The following FOXP2 variants were observed in gnomAD, a reference collection of about 807,000 sequenced individuals.
The protein encoded by FOXP2 is forkhead box P2.
In FOXP2, 12 loss-of-function variants were observed where a neutral mutation model predicts 115.8. The observed-to-expected ratio is 0.10, with a 90% CI of 0.07 to 0.17. The LOEUF (loss-of-function observed/expected upper bound fraction) is 0.17. Ranked by LOEUF, FOXP2 falls within the 10% of genes least tolerant of loss-of-function variation. FOXP2 has a pLI of 1.00. For missense variants in FOXP2, 629 were observed against 843.5 expected (o/e 0.75, Z 3.15); for synonymous variants, 328 against 297.7 (o/e 1.10, Z -1.05).
At chr7:114,402,206 C>T (rs996223770) in intron 2 of FOXP2, among the ~76,000 whole-genome samples, 8 of 152,060 alleles carry the variant, frequency 5.3e-5, no homozygotes, top group Non-Finnish European at 1.0e-4. Flanking sequence ...TGAAGGCCCT[C>T]TCTATCATCA....
At chr7:114,324,700 T>C (rs897510559) in intron 2 of FOXP2, among the ~76,000 whole-genome samples, 10 of 151,910 alleles carry the variant, frequency 6.6e-5, no homozygotes, top group Non-Finnish European at 1.2e-4. Context: ...GGTATTATTA[T>C]ATCATCATTT....
chr7:114,118,691 G>A (rs78330187), intron 1 of FOXP2, among the ~76,000 whole-genome samples: 1,626 of 152,154 alleles, frequency 0.011, 30 homozygotes, highest in African/African-American at 0.037. Flanking sequence ...TATGTGCCAC[G>A]TAATTTTGCT....
intron 2 of FOXP2, among the ~76,000 whole-genome samples, chr7:114,434,111 A>G (rs1472241916): frequency 6.6e-6 from 1 of 151,888 alleles, no homozygotes; most frequent in Non-Finnish European, 1.5e-5. Flanking sequence ...AGGCAGTTGT[A>G]TTCTTTCTCT....
At chr7:114,182,879 T>C (rs1793494184) in intron 1 of FOXP2, among the ~76,000 whole-genome samples, 1 of 152,102 alleles carries the variant, frequency 6.6e-6, no homozygotes, top group Admixed American at 6.6e-5. Flanking sequence ...TCGTTGGCAC[T>C]AAAGAAGTTA....
chr7:114,626,600 C>CATCT (rs1206164053), intron 3 of FOXP2, among the ~76,000 whole-genome samples: 2 of 151,524 alleles, frequency 1.3e-5, no homozygotes, highest in East Asian at 1.9e-4. Flanking sequence ...AACTCTATAT[C>CATCT]ATCTATCTAT....
chr7:114,546,178 A>G (rs546501778), intron 3 of FOXP2, among the ~76,000 whole-genome samples: 2 of 152,294 alleles, frequency 1.3e-5, no homozygotes, highest in African/African-American at 4.8e-5. Flanking sequence ...ACCTAGATCA[A>G]CATGTTACAA....
At chr7:114,299,588 G>A (rs1023340741) in intron 2 of FOXP2, among the ~76,000 whole-genome samples, 9 of 151,762 alleles carry the variant, frequency 5.9e-5, no homozygotes, top group African/African-American at 9.7e-5. Context: ...TAAACATGAA[G>A]CCCTTTCTAC....
chr7:114,643,329 CTCTTA>C (rs142495428), intron 7 of FOXP2, among the ~76,000 whole-genome samples: 232 of 152,148 alleles, frequency 1.5e-3, no homozygotes, highest in African/African-American at 5.4e-3. Context: ...ATGGATATCT[CTCTTA>C]TATGTTTCAA....
intron 1 of FOXP2, among the ~76,000 whole-genome samples, chr7:114,204,524 T>C (rs1357546993): frequency 1.3e-5 from 2 of 152,172 alleles, no homozygotes; most frequent in Non-Finnish European, 2.9e-5. Context: ...TTATTTATGG[T>C]CTCTGAACCT....
At chr7:114,382,372 T>A (rs1015443463) in intron 2 of FOXP2, among the ~76,000 whole-genome samples, 1 of 152,192 alleles carries the variant, frequency 6.6e-6, no homozygotes, top group African/African-American at 2.4e-5. Context: ...GGCTTCTGAC[T>A]CAGAGGACCT....
chr7:114,309,978 A>G (rs1351398040), intron 2 of FOXP2, among the ~76,000 whole-genome samples: 1 of 152,000 alleles, frequency 6.6e-6, no homozygotes, highest in East Asian at 1.9e-4. Context: ...GGTGTCTTTA[A>G]TCTGCCAGTC....
chr7:114,584,433 T>G (rs1802026470), intron 3 of FOXP2, among the ~76,000 whole-genome samples: 1 of 152,182 alleles, frequency 6.6e-6, no homozygotes, highest in Non-Finnish European at 1.5e-5. Flanking sequence ...TCTCAAAAAC[T>G]TGACAATTTT....
At chr7:114,250,494 C>T (rs200746659) in intron 1 of FOXP2, among the ~76,000 whole-genome samples, 1 of 152,076 alleles carries the variant, frequency 6.6e-6, no homozygotes, top group Non-Finnish European at 1.5e-5. Flanking sequence ...CATTCTAACT[C>T]GTGTGAGATG....
intron 1 of FOXP2, among the ~76,000 whole-genome samples, chr7:114,146,214 T>C (rs905426328): frequency 1.3e-5 from 2 of 152,220 alleles, no homozygotes; most frequent in Non-Finnish European, 2.9e-5. Context: ...AATTTTTACA[T>C]GTGTGAAAAG....
intron 16 of FOXP2, among the ~76,000 whole-genome samples, chr7:114,688,599 G>A (rs1808498513): frequency 1.3e-5 from 2 of 152,072 alleles, no homozygotes; most frequent in Non-Finnish European, 2.9e-5. Context: ...ATTTATCATT[G>A]CAGCACAACC....
chr7:114,380,625 C>G (rs531617684), intron 2 of FOXP2, among the ~76,000 whole-genome samples: 1 of 152,212 alleles, frequency 6.6e-6, no homozygotes, highest in African/African-American at 2.4e-5. Flanking sequence ...AAGAGTTGCA[C>G]AAGTGTGCAG....
At chr7:114,382,645 A>G (rs1171604525) in intron 2 of FOXP2, among the ~76,000 whole-genome samples, 1 of 151,432 alleles carries the variant, frequency 6.6e-6, no homozygotes, top group Non-Finnish European at 1.5e-5. Flanking sequence ...CCTGATCTCT[A>G]TTATAAAAAA....
At chr7:114,131,024 G>C (rs1373826137) in intron 1 of FOXP2, among the ~76,000 whole-genome samples, 1 of 152,204 alleles carries the variant, frequency 6.6e-6, no homozygotes, top group Non-Finnish European at 1.5e-5. Context: ...CAACCTCCAT[G>C]CTAGTTAAGA....
intron 2 of FOXP2, among the ~76,000 whole-genome samples, chr7:114,395,550 CA>C (rs1792715558): frequency 6.6e-6 from 1 of 152,042 alleles, no homozygotes; most frequent in Admixed American, 6.6e-5. Flanking sequence ...AAAGAGAAAG[CA>C]AGGAATTTTT....
Sources: allele counts gnomAD v4.1 joint callset (sites outside exome capture counted in the v4.1 genomes callset), GRCh38; gene constraint gnomAD v4.1.1; transcripts MANE v1.5; gene names NCBI Gene and HGNC (gene_info 2026-07-23, HGNC 2026-07-21).